RPGRIP1L: variants seen among roughly 807,000 people sequenced by gnomAD.
The protein encoded by RPGRIP1L is RPGRIP1 like.
In RPGRIP1L, 131 loss-of-function variants were observed where a neutral mutation model predicts 160.4. The observed-to-expected ratio is 0.82, with a 90% CI of 0.71 to 0.94. The LOEUF is 0.94. RPGRIP1L is among the 40% of genes least tolerant of loss of function. RPGRIP1L has a pLI of 0.00. For synonymous variants in RPGRIP1L, 510 were observed against 515.8 expected (o/e 0.99, Z 0.15); for missense variants, 1,522 against 1,535.8 (o/e 0.99, Z 0.15).
Position 53,657,970 on chromosome 16 carries a change from G to GT in RPGRIP1L, c.1402-339dup, listed in dbSNP as rs1024954429. On this transcript the variant is annotated intron_variant, in intron 12 of 26. Coordinates refer to ENST00000647211, the MANE Select transcript of RPGRIP1L (RefSeq NM_015272.5). Reference sequence around the variant, plus strand: ...ATCTATGCTGTGATGTAAAAGAAGTGTTTTTTTGTGTCTTATAAATAACAG... The same window carrying GT: ...ATCTATGCTGTGATGTAAAAGAAGTGTTTTTTTTGTGTCTTATAAATAACAG... 1.8e-4 allele frequency among the ~76,000 whole-genome samples: 27 copies of GT among 152,022 alleles called. No homozygotes were observed. In the East Asian group the frequency reaches 2.3e-3, roughly 13 times the overall value.
chr16:53,672,170 C>T (rs1968787928), intron 8 of RPGRIP1L, among the ~76,000 whole-genome samples: 2 of 152,118 alleles, frequency 1.3e-5, no homozygotes, highest in African/African-American at 4.8e-5. Context: ...GTAATAATTA[C>T]ATCCCTATGG....
chr16:53,664,891 C>G lies in RPGRIP1L; in HGVS notation c.1222G>C (p.Asp408His). The G allele has an allele frequency of 6.2e-7, 1 of 1,611,696 alleles. No homozygotes were observed. Among genetic ancestry groups the G allele is most frequent in the Non-Finnish European group, 8.5e-7 (1 of 1,179,884 alleles). Residue 408 changes from aspartate (D) to histidine (H), a missense_variant, in exon 10 of 27, where the codon GAC becomes CAC. Asp to His is a moderately conservative substitution (Grantham distance 81, BLOSUM62 -1). Transcript: ENST00000647211. ...GTACCTCTTTCAGTTTTTAATCTGT[C>G]AAGGATTTCAGTTTTGTCTGTTAAG... Reference protein sequence around the residue: ...SDLTDKTEILDRLKTERDQNE... With the variant: ...SDLTDKTEILHRLKTERDQNE...
At position 53,645,864 on chromosome 16, in the gene RPGRIP1L, A is replaced by G; in HGVS notation, c.2444T>C (p.Val815Ala). 6.2e-7 allele frequency: 1 copy of G among 1,614,142 alleles called. No homozygotes were observed. The highest frequency in any genetic ancestry group is 1.3e-5 in the African/African-American group (1 of 75,046). Residue 815 changes from valine to alanine, a missense_variant, in exon 17 of 27, where the codon GTT becomes GCT. Physicochemically the swap from Val to Ala is moderately conservative, Grantham distance 64. Coordinates refer to ENST00000647211, the MANE Select transcript of RPGRIP1L (RefSeq NM_015272.5). ...RASHLQPHPY[V>A]VYKFFDFADH... ...TGCAAAATCAAAAAACTTGTACACA[A>G]CATATGGGTGTGGCTGCAGGTGGCT...
intron 19 of RPGRIP1L, among the ~76,000 whole-genome samples, chr16:53,640,315 C>T (rs771998655): frequency 1.3e-5 from 2 of 152,146 alleles, no homozygotes; most frequent in Non-Finnish European, 2.9e-5. Flanking sequence ...ATTCATTGCA[C>T]ATTAAATAGG....
At chr16:53,615,338 C>T (rs1964295212) in intron 24 of RPGRIP1L, among the ~76,000 whole-genome samples, 1 of 151,838 alleles carries the variant, frequency 6.6e-6, no homozygotes, top group Non-Finnish European at 1.5e-5. Flanking sequence ...CTTGCTTTCT[C>T]AGCATTCTCT....
At chr16:53,631,796 G>A (rs1238136753) in intron 22 of RPGRIP1L, among the ~76,000 whole-genome samples, 6 of 152,172 alleles carry the variant, frequency 3.9e-5, no homozygotes, top group Non-Finnish European at 8.8e-5. Flanking sequence ...TCAGGCTGAC[G>A]GAATCTGACA....
Position 53,692,308 on chromosome 16 carries a change from C to T in RPGRIP1L, c.287G>A (p.Gly96Asp), listed in dbSNP as rs201385056. Reference protein sequence around the residue: ...VNDKKRYERVGGGPKRLGRDV... With the variant: ...VNDKKRYERVDGGPKRLGRDV... Reference sequence around the variant, plus strand: ...TCGTCCCAGCCGCTTGGGGCCGCCACCAACCCGCTCATATCTTTTCTTGTC... The same window carrying T: ...TCGTCCCAGCCGCTTGGGGCCGCCATCAACCCGCTCATATCTTTTCTTGTC... Residue 96 changes from glycine (G) to aspartate (D), a missense_variant, in exon 4 of 27, where the codon GGT becomes GAT. Physicochemically the swap from Gly to Asp is moderately conservative, Grantham distance 94. Coordinates refer to ENST00000647211, the MANE Select transcript of RPGRIP1L (RefSeq NM_015272.5). The T allele has an allele frequency of 3.7e-5, 59 of 1,614,140 alleles. No individual in the cohort carries two copies. Among genetic ancestry groups the T allele is most frequent in the Non-Finnish European group, 4.3e-5 (51 of 1,180,014 alleles).
At chr16:53,671,350 C>G (rs1384508511) in intron 9 of RPGRIP1L, among the ~76,000 whole-genome samples, 160 bp downstream of exon 9, 1 of 152,030 alleles carries the variant, frequency 6.6e-6, no homozygotes, top group Non-Finnish European at 1.5e-5. Context: ...TATTACAATG[C>G]CTTTAAAAAG....
intron 19 of RPGRIP1L, 108 bp downstream of exon 19, chr16:53,640,925 C>G: frequency 1.2e-6 from 1 of 811,160 alleles, no homozygotes; most frequent in Non-Finnish European, 2.1e-6. Context: ...AAAAGACATA[C>G]TTTATTCACC....
intron 14 of RPGRIP1L, 117 bp downstream of exon 14, chr16:53,656,355 G>T: frequency 2.5e-6 from 2 of 804,562 alleles, no homozygotes; most frequent in Admixed American, 3.4e-5. Context: ...AGCTAGCTAT[G>T]AATTAGGCGT....
At chr16:53,652,415 T>C (rs1292004117) in intron 15 of RPGRIP1L, 120 bp downstream of exon 15, 1 of 784,072 alleles carries the variant, frequency 1.3e-6, no homozygotes, top group Non-Finnish European at 2.1e-6. Flanking sequence ...GGGTAAAGAA[T>C]GTTGTCCTTG....
intron 24 of RPGRIP1L, among the ~76,000 whole-genome samples, chr16:53,618,824 G>C (rs908576552): frequency 1.3e-5 from 2 of 152,170 alleles, no homozygotes; most frequent in Non-Finnish European, 1.5e-5. Flanking sequence ...TAGGATTACA[G>C]GTGTGAGCCA....
rs1177022553 is a variant in RPGRIP1L at position 53,660,106 on chromosome 16, T to A, written c.1244-1228A>T. ...TGCATTAAACATGTTTAGCTTTTTT[T>A]AAAAAAAGCATAATAGCTAGCGAAC... On this transcript the variant is annotated intron_variant, in intron 10 of 26. Coordinates refer to ENST00000647211, the MANE Select transcript of RPGRIP1L (RefSeq NM_015272.5). 1.1e-4 allele frequency among the ~76,000 whole-genome samples: 16 copies of A among 152,014 alleles called. No homozygotes were observed. In the East Asian group the frequency reaches 2.1e-3, roughly 20 times the overall value.
At chr16:53,604,643 A>G (rs928336466) in intron 26 of RPGRIP1L, among the ~76,000 whole-genome samples, 1 of 152,236 alleles carries the variant, frequency 6.6e-6, no homozygotes, top group African/African-American at 2.4e-5. Context: ...ATCAAATGTC[A>G]TTACTCCTCA....
intron 10 of RPGRIP1L, among the ~76,000 whole-genome samples, chr16:53,664,495 A>G (rs953355412): frequency 3.3e-5 from 5 of 152,122 alleles, no homozygotes; most frequent in Admixed American, 3.3e-4. Context: ...TTCATATTTC[A>G]TGAGGGAAAG....
At chr16:53,633,442 T>C (rs1171297913) in intron 22 of RPGRIP1L, among the ~76,000 whole-genome samples, 9 of 152,184 alleles carry the variant, frequency 5.9e-5, no homozygotes, top group South Asian at 4.1e-4. Context: ...ATCACTGTTA[T>C]AAAACACTAC....
intron 25 of RPGRIP1L, among the ~76,000 whole-genome samples, chr16:53,607,363 C>A (rs1005937088): frequency 6.6e-6 from 1 of 152,008 alleles, no homozygotes; most frequent in Non-Finnish European, 1.5e-5. Flanking sequence ...AACTTGGCAT[C>A]GGAAAAGCTT....
At chr16:53,657,972 T>C (rs1967412184) in intron 12 of RPGRIP1L, among the ~76,000 whole-genome samples, 1 of 152,064 alleles carries the variant, frequency 6.6e-6, no homozygotes, top group Non-Finnish European at 1.5e-5. Context: ...AAAGAAGTGT[T>C]TTTTTGTGTC....
rs372621725 is a variant in RPGRIP1L at position 53,654,732 on chromosome 16, T to C, written c.1699+1740A>G. Reference sequence around the variant, plus strand: ...CATGTTTATGGAGTCAATCAATGAATTGAGGGGACAGATAAAATATGATGG... The same window carrying C: ...CATGTTTATGGAGTCAATCAATGAACTGAGGGGACAGATAAAATATGATGG... On this transcript the variant is annotated intron_variant, in intron 14 of 26. Transcript: ENST00000647211. Among the ~76,000 whole-genome samples the C allele has an allele frequency of 9.8e-5, 15 of 152,300 alleles. No individual in the cohort carries two copies. In the East Asian group the frequency reaches 1.9e-3, roughly 20 times the overall value.
Sources: allele counts gnomAD v4.1 joint callset (sites outside exome capture counted in the v4.1 genomes callset), GRCh38; gene constraint gnomAD v4.1.1; transcripts MANE v1.5; gene names NCBI Gene and HGNC (gene_info 2026-07-23, HGNC 2026-07-21).